Variants in TYSND1 observed in about 807,000 individuals in gnomAD.
The protein encoded by TYSND1 is peroxisomal leader peptide-processing protease.
TYSND1 carries 30 observed loss-of-function variants against 37.2 expected under a neutral mutation model. The observed-to-expected ratio is 0.81, with a 90% CI of 0.60 to 1.09. The LOEUF is 1.09. Among genes scored for constraint, TYSND1 ranks in the 50% least tolerant of loss-of-function variants. The pLI is 0.00. For synonymous variants in TYSND1, 364 were observed against 383.8 expected, an observed-to-expected ratio of 0.95 and a Z score of 0.60; for missense variants, 806 against 817.4, an observed-to-expected ratio of 0.99 and a Z score of 0.17.
rs1218516066 is a variant in TYSND1, at chr10:70,140,027, T to C, written c.1598A>G (p.Gln533Arg). Residue 533 changes from glutamine to arginine, a missense_variant, in exon 4 of 4, where the codon CAA becomes CGA. Coordinates refer to ENST00000287078, the MANE Select transcript of TYSND1 (RefSeq NM_173555.4). The stretch of plus-strand genomic sequence containing the variant: ...CAGCTCACGGAGGCCACCTAGGTCT[T>C]GGGTCTGGCTGTACTGCTGCAGGGC... ...QPALQQYSQT[Q>R]DLGGLRELDR... is the part of the protein sequence containing the mutation. 1 of 1,614,192 alleles carries C rather than the reference T, an allele frequency of 6.2e-7. No homozygotes were observed. Among genetic ancestry groups the C allele is most frequent in the Non-Finnish European group, 8.5e-7 (1 of 1,180,022 alleles).
In TYSND1 at chr10:70,140,029, G is replaced by A; in HGVS notation, c.1596C>T (p.Thr532=). 4 of 1,614,236 alleles carry A rather than the reference G, an allele frequency of 2.5e-6. No individual in the cohort carries two copies. Among genetic ancestry groups the A allele is most frequent in the Non-Finnish European group, 3.4e-6 (4 of 1,180,028 alleles). The change falls in exon 4 of 4, where the codon ACC becomes ACT. Residue 532 remains threonine, a synonymous_variant. Transcript: ENST00000287078. ...GCTCACGGAGGCCACCTAGGTCTTG[G>A]GTCTGGCTGTACTGCTGCAGGGCCG... ...LQPALQQYSQ[T]QDLGGLRELD... is the part of the protein sequence containing the mutation.
At chr10:70,143,998 GGCTA>G in intron 1 of TYSND1, 26 bp from the exon 2 acceptor site, 1 of 1,613,748 alleles carries the variant, frequency 6.2e-7, no homozygotes, top group South Asian at 1.1e-5. Flanking sequence ...ACAAATGACA[GGCTA>G]GCTTTCTGAC....
chr10:70,141,674 G>T (rs1256345473), intron 3 of TYSND1, among the ~76,000 whole-genome samples: 1 of 152,030 alleles, frequency 6.6e-6, no homozygotes, highest in Admixed American at 6.6e-5. Context: ...CTTGGCTGAG[G>T]TGGTATCTGC....
At chr10:70,144,883 G>T in intron 1 of TYSND1, 2 of 667,358 alleles carry the variant, frequency 3.0e-6, no homozygotes, top group Non-Finnish European at 1.9e-6. Flanking sequence ...ATGTACAGCT[G>T]CGTGGGCCAC....
intron 2 of TYSND1, among the ~76,000 whole-genome samples, chr10:70,143,504 G>A (rs1179173028): frequency 6.6e-6 from 1 of 152,192 alleles, no homozygotes; most frequent in Non-Finnish European, 1.5e-5. Flanking sequence ...TGCAACATCA[G>A]TACTTATGTG....
Position 70,142,809 on chromosome 10 carries a change from A to T in TYSND1, c.1342T>A (p.Cys448Ser), listed in dbSNP as rs747607670. 6.2e-7 allele frequency: 1 copy of T among 1,614,074 alleles called. No homozygotes were observed. The highest frequency in any genetic ancestry group is 1.1e-5 in the South Asian group (1 of 91,086). ...ATGCCTGAGGTCACCGAGGGCCCGCAAGACTGGCCAAAGACGCCAAAGCCC... is the reference window on the plus strand; with the variant it reads ...ATGCCTGAGGTCACCGAGGGCCCGCTAGACTGGCCAAAGACGCCAAAGCCC... The part of the protein sequence containing the change: ...VVGFGVFGQS[C>S]GPSVTSGILS... Residue 448 changes from cysteine to serine, a missense_variant, in exon 3 of 4, where the codon TGC becomes AGC. By Grantham distance (112) the Cys-to-Ser change is moderately radical. Around this residue, in one of 3 missense-constraint regions of TYSND1, gnomAD observed 708 missense variants for 705.4 expected, o/e 1.00. Transcript: ENST00000287078.
chr10:70,143,559 T>G (rs1026017422), intron 2 of TYSND1, among the ~76,000 whole-genome samples: 2 of 152,184 alleles, frequency 1.3e-5, no homozygotes, highest in African/African-American at 4.8e-5. Context: ...CCTGGAGCCT[T>G]GAAAGTGCCA....
intron 2 of TYSND1, 147 bp from the exon 3 acceptor site, chr10:70,143,000 C>T (rs1483427252): frequency 7.5e-6 from 7 of 931,926 alleles, no homozygotes; most frequent in South Asian, 1.7e-5. Flanking sequence ...CTCCAGAGAG[C>T]CTTCCCCATG....
chr10:70,145,580 A>G lies in TYSND1; in HGVS notation c.1007T>C (p.Leu336Pro). ...TGCCCACAGGGGCCCGGAGTCTCGG[A>G]GGGGCAGACCCCACGGGACGCCCAC... Reference protein sequence around the residue: ...PEVGVPWGLPLRDSGPLWAAA... With the variant: ...PEVGVPWGLPPRDSGPLWAAA... Residue 336 changes from leucine to proline, a missense_variant, in exon 1 of 4, where the codon CTC (leucine) becomes CCC (proline). Transcript: ENST00000287078. 1 of 1,474,252 alleles carries G rather than the reference A, an allele frequency of 6.8e-7. No homozygotes were observed. Among genetic ancestry groups the G allele is most frequent in the Admixed American group, 2.3e-5 (1 of 42,746 alleles). The allele number at this position is 1,474,252 out of a possible 1,614,324, so 91.3% of individuals were successfully genotyped here.
rs1367255019 is a variant in TYSND1 at position 70,146,036 on chromosome 10, C to T, written c.551G>A (p.Trp184Ter). ...EEADQLRALG[W>*]FALLGVRLGQ... ...TAGCCGCACGCCCAGCAGCGCAAAC[C>T]AGCCCAGCGCTCTCAGTTGATCCGC... Residue 184 changes from tryptophan to a stop codon, truncating the protein, a stop_gained, in exon 1 of 4, where the codon TGG becomes TAG. Transcript: ENST00000287078. LOFTEE classifies it high-confidence loss of function. 2.5e-6 allele frequency: 4 copies of T among 1,602,814 alleles called. No individual in the cohort carries two copies. The East Asian group carries it at 9.1e-5, about 36-fold the overall frequency.
rs1366445316 is a variant in TYSND1 at position 70,143,910 on chromosome 10, G to A, written c.1229C>T (p.Ala410Val). ...ATQETCPYDI[A>V]VVSLEEDLDD... is the part of the protein sequence containing the mutation. ...CAGGTCCTCCTCCAGGCTCACCACT[G>A]CTATGTCATAGGGACATGTCTCCTG... Residue 410 changes from alanine (A) to valine (V), a missense_variant, in exon 2 of 4, where the codon GCA becomes GTA. By Grantham distance (64) the Ala-to-Val change is moderately conservative. Around this residue, in one of 3 missense-constraint regions of TYSND1, gnomAD observed 708 missense variants for 705.4 expected, o/e 1.00. Coordinates refer to ENST00000287078, the MANE Select transcript of TYSND1 (RefSeq NM_173555.4). 1 of 1,614,184 alleles carries A rather than the reference G, an allele frequency of 6.2e-7. No homozygotes were observed.
Position 70,145,983 on chromosome 10 carries a change from C to G in TYSND1, c.604G>C (p.Gly202Arg). 1.3e-6 allele frequency: 2 copies of G among 1,572,898 alleles called. No homozygotes were observed. The highest frequency in any genetic ancestry group is 1.8e-5 in the Admixed American group (1 of 54,294). The change falls in exon 1 of 4, where the codon GGG becomes CGG. Residue 202 changes from glycine (G) to arginine (R), a missense_variant. Coordinates refer to ENST00000287078, the MANE Select transcript of TYSND1 (RefSeq NM_173555.4). ...AGAGGCGACACCGCCATGGCTGGCC[C>G]GCGCTCCTCCTCCACCTCCTCCTGG... ...LGQEEVEEER[G>R]PAMAVSPLGA...
At chr10:70,140,227 G>A (rs2072744555) in intron 3 of TYSND1, 86 bp from the exon 4 acceptor site, 3 of 1,167,572 alleles carry the variant, frequency 2.6e-6, no homozygotes, top group Non-Finnish European at 3.6e-6. Flanking sequence ...CCACCCTGGA[G>A]CCCCCAGGGC....
Position 70,140,114 on chromosome 10 carries a change from T to C in TYSND1, c.1511A>G (p.Asn504Ser), listed in dbSNP as rs927974409. 14 of 1,612,376 alleles carry C rather than the reference T, an allele frequency of 8.7e-6. No individual in the cohort carries two copies. Among genetic ancestry groups the C allele is most frequent in the South Asian group, 4.4e-5 (4 of 91,006 alleles). Residue 504 changes from asparagine (N) to serine (S), a missense_variant, in exon 4 of 4, where the codon AAT becomes AGT. Physicochemically the swap from Asn to Ser is conservative, Grantham distance 46 (BLOSUM62 1). Transcript: ENST00000287078. ...LGIITSNTRD[N>S]NTGATYPHLN... Reference sequence around the variant, plus strand: ...GTGGGGGTAGGTGGCCCCCGTATTATTGTCCCGGGTGTTGCTGGTGATTAT... The same window carrying C: ...GTGGGGGTAGGTGGCCCCCGTATTACTGTCCCGGGTGTTGCTGGTGATTAT...
Position 70,144,529 on chromosome 10 carries a change from C to T in TYSND1, c.1167-557G>A, listed in dbSNP as rs1369897053. 1.2e-5 allele frequency: 12 copies of T among 987,264 alleles called. No individual in the cohort carries two copies. The Admixed American group carries it at 3.6e-4, about 30-fold the overall frequency. The allele number at this position is 987,264 out of a possible 1,614,324, so 61.2% of individuals were successfully genotyped here. A position where few individuals can be genotyped will look rare whatever the true frequency, so the allele number is the denominator to read the frequency against. On this transcript the variant is annotated intron_variant, in intron 1 of 3. Coordinates refer to ENST00000287078, the MANE Select transcript of TYSND1 (RefSeq NM_173555.4). ...ACACGACGTGACAGGCTCCGTTCCA[C>T]GACATTCAGCGTCAACTCCCGGGGA... is the stretch of plus-strand genomic sequence containing the variant.
At position 70,145,876 on chromosome 10, in the gene TYSND1, C is replaced by T. The variant is rs1466329996; in HGVS notation, c.711G>A (p.Thr237=). ...CGTTGCTGAGCACCCCGCAGCTCAG[C>T]GTGTTGAGAAAGATGTCGGGGCAGA... The part of the protein sequence containing the change: ...GAFCPDIFLN[T]LSCGVLSNVA... The change falls in exon 1 of 4, where the codon ACG becomes ACA. Residue 237 remains threonine (T), a synonymous_variant. Coordinates refer to ENST00000287078, the MANE Select transcript of TYSND1 (RefSeq NM_173555.4). The T allele has an allele frequency of 1.3e-6, 2 of 1,546,334 alleles. No homozygotes were observed. Among genetic ancestry groups the T allele is most frequent in the Non-Finnish European group, 1.7e-6 (2 of 1,145,348 alleles).
rs1018423294 is a variant in TYSND1 at position 70,138,648 on chromosome 10, G to A, written c.*1276C>T. On this transcript the variant is annotated 3_prime_UTR_variant, in exon 4 of 4. Coordinates refer to ENST00000287078, the MANE Select transcript of TYSND1 (RefSeq NM_173555.4). The stretch of plus-strand genomic sequence containing the variant: ...AACTCCCCAACTGCCACCCACCTTA[G>A]GCATTCTTTAAGCATCTGCTGCCAG... The A allele has an allele frequency of 6.5e-6, 1 of 152,812 alleles. No individual in the cohort carries two copies. Among genetic ancestry groups the A allele is most frequent in the African/African-American group, 2.4e-5 (1 of 41,478 alleles). The allele number at this position is 152,812 out of a possible 1,614,324, so 9.5% of individuals were successfully genotyped here. A position where few individuals can be genotyped will look rare whatever the true frequency, so the allele number is the denominator to read the frequency against.
In TYSND1 at chr10:70,145,475, C is replaced by G. The variant is rs780343652; in HGVS notation, c.1112G>C (p.Arg371Pro). 1.1e-5 allele frequency: 17 copies of G among 1,501,586 alleles called. No individual in the cohort carries two copies. The highest frequency in any genetic ancestry group is 1.8e-4 in the Middle Eastern group (1 of 5,632). The allele number at this position is 1,501,586 out of a possible 1,614,324, so 93.0% of individuals were successfully genotyped here. A position where few individuals can be genotyped will look rare whatever the true frequency, so the allele number is the denominator to read the frequency against. Residue 371 changes from arginine (R) to proline (P), a missense_variant, in exon 1 of 4, where the codon CGG (arginine) becomes CCG (proline). By Grantham distance (103) the Arg-to-Pro change is moderately radical (BLOSUM62 -2). Coordinates refer to ENST00000287078, the MANE Select transcript of TYSND1 (RefSeq NM_173555.4). ...GGCTGCTTCCCGAGGGGACACGTGC[C>G]GACAGGTCACTACAAGGCGGGGTGC... Reference protein sequence around the residue: ...AVAPRLVVTCRHVSPREAARV... With the variant: ...AVAPRLVVTCPHVSPREAARV...
chr10:70,141,732 T>TTAAAAAAAATTTTTTTAAA (rs2072778354), intron 3 of TYSND1, among the ~76,000 whole-genome samples: 1 of 150,984 alleles, frequency 6.6e-6, no homozygotes, highest in Admixed American at 6.6e-5. Flanking sequence ...TTTTTTTTAA[T>TTAAAAAAAATTTTTTTAAA]TAAAAAAAAT....
Sources: gnomAD v4.1 joint callset for allele counts (sites outside exome capture counted in the v4.1 genomes callset) on GRCh38, gnomAD v4.1.1 for gene constraint, gnomAD v4.1.1 regional missense constraint, MANE v1.5 for transcripts, NCBI Gene and HGNC (gene_info 2026-07-23, HGNC 2026-07-21) for gene names.